ACVR2A: variants seen among roughly 807,000 people sequenced by gnomAD.
ACVR2A encodes activin A receptor type 2A.
Under a neutral mutation model 61.4 loss-of-function variants are expected in ACVR2A, and 7 were observed. The ratio of observed to expected loss-of-function variants is 0.11; its 90% CI spans 0.06 to 0.21. The LOEUF is 0.21. Among genes scored for constraint, ACVR2A ranks in the 10% least tolerant of loss-of-function variants. The probability of loss-of-function intolerance (pLI) is 1.00; values close to 1 mark genes in which losing one functional copy is unlikely to be tolerated. For synonymous variants in ACVR2A, 193 were observed against 208.3 expected (o/e 0.93, Z 0.63); for missense variants, 322 against 621.7 (o/e 0.52, Z 5.13).
intron 4 of ACVR2A, among the ~76,000 whole-genome samples, chr2:147,906,818 A>ATT (rs369876665): frequency 0.033 from 4,036 of 123,338 alleles, 98 homozygotes; most frequent in Middle Eastern, 0.093. Context: ...TATCAAGTCC[A>ATT]TTTTTTTTTT....
chr2:147,908,733 T>C (rs1415588249), intron 4 of ACVR2A, among the ~76,000 whole-genome samples: 1 of 152,096 alleles, frequency 6.6e-6, no homozygotes, highest in African/African-American at 2.4e-5. Context: ...TCAGAATTTG[T>C]CAGTTTTCAT....
In ACVR2A at chr2:147,917,387, T is replaced by G; in HGVS notation, c.777T>G (p.Val259=). 6.2e-7 allele frequency: 1 copy of G among 1,612,462 alleles called. No homozygotes were observed. The highest frequency in any genetic ancestry group is 8.5e-7 in the Non-Finnish European group (1 of 1,178,900). The change falls in exon 6 of 11, where the codon GTT becomes GTG. Residue 259 remains valine, a synonymous_variant. Coordinates refer to ENST00000241416, the MANE Select transcript of ACVR2A (RefSeq NM_001616.5). ...GTGCAGAAAAACGAGGCACCAGTGT[T>G]GATGTGGATCTTTGGCTGATCACAG... is the stretch of plus-strand genomic sequence containing the variant. ...FIGAEKRGTS[V]DVDLWLITAF...
chr2:147,891,142 C>G (rs1002235369), intron 1 of ACVR2A, among the ~76,000 whole-genome samples: 1 of 152,158 alleles, frequency 6.6e-6, no homozygotes, highest in Non-Finnish European at 1.5e-5. Flanking sequence ...TCCTCAAAAT[C>G]TTTCTTGGTA....
chr2:147,915,280 C>G lies in ACVR2A; in HGVS notation c.618C>G (p.Val206=). 4 of 1,612,322 alleles carry G rather than the reference C, an allele frequency of 2.5e-6. No homozygotes were observed. Among genetic ancestry groups the G allele is most frequent in the Non-Finnish European group, 3.4e-6 (4 of 1,178,750 alleles). The stretch of plus-strand genomic sequence containing the variant: ...AAGCAAGGGGAAGATTTGGTTGTGT[C>G]TGGAAAGCCCAGTTGCTTAACGAAT... The part of the protein sequence containing the change: ...EVKARGRFGC[V]WKAQLLNEYV... Residue 206 remains valine (V), a synonymous_variant, in exon 5 of 11, where the codon GTC becomes GTG. Coordinates refer to ENST00000241416, the MANE Select transcript of ACVR2A (RefSeq NM_001616.5).
chr2:147,909,008 A>G (rs1212968956), intron 4 of ACVR2A, among the ~76,000 whole-genome samples: 1 of 152,128 alleles, frequency 6.6e-6, no homozygotes, highest in African/African-American at 2.4e-5. Flanking sequence ...AAATATCTCC[A>G]TTTATATGTC....
chr2:147,845,078 T>G lies in ACVR2A; in HGVS notation c.-75T>G. ...TGACGGTTGATTTTACACCAGGAGG[T>G]TTGTCTCCGAGGAAGACCCAGGGAA... On this transcript the variant is annotated 5_prime_UTR_variant, in exon 1 of 11. Coordinates refer to ENST00000241416, the MANE Select transcript of ACVR2A (RefSeq NM_001616.5). 8.1e-7 allele frequency: 1 copy of G among 1,231,574 alleles called. No individual in the cohort carries two copies. Among genetic ancestry groups the G allele is most frequent in the Non-Finnish European group, 1.1e-6 (1 of 873,070 alleles). 76.3% of individuals were successfully genotyped at this position (1,231,574 alleles called of 1,614,324 possible). A position where few individuals can be genotyped will look rare whatever the true frequency, so the allele number is the denominator to read the frequency against.
intron 1 of ACVR2A, among the ~76,000 whole-genome samples, chr2:147,873,784 A>C (rs762324908): frequency 6.6e-6 from 1 of 152,002 alleles, no homozygotes; most frequent in Non-Finnish European, 1.5e-5. Context: ...TTAATATTCT[A>C]TGACAAGGCC....
At position 147,929,379 on chromosome 2, in the gene ACVR2A, T is replaced by TA. The variant is rs1553447665; in HGVS notation, c.*2108dup. On this transcript the variant is annotated 3_prime_UTR_variant, in exon 11 of 11. Coordinates refer to ENST00000241416, the MANE Select transcript of ACVR2A (RefSeq NM_001616.5). ...AACATTTAACTTTCTTTTTAAAAGT[T>TA]AAACAAAAATAAACAAGGGATATTA... 3 of 151,918 alleles carry TA rather than the reference T, an allele frequency of 2.0e-5. No individual in the cohort carries two copies. The highest frequency in any genetic ancestry group is 2.9e-5 in the Non-Finnish European group (2 of 67,942). The allele number at this position is 151,918 out of a possible 1,614,324, so 9.4% of individuals were successfully genotyped here. A position where few individuals can be genotyped will look rare whatever the true frequency, so the allele number is the denominator to read the frequency against.
intron 2 of ACVR2A, among the ~76,000 whole-genome samples, chr2:147,898,602 C>CA (rs1187251518): frequency 6.6e-6 from 1 of 151,996 alleles, no homozygotes; most frequent in Non-Finnish European, 1.5e-5. Context: ...TGACAACTAT[C>CA]AAAAAAGTTC....
At chr2:147,859,503 A>G (rs1292087618) in intron 1 of ACVR2A, among the ~76,000 whole-genome samples, 2 of 151,706 alleles carry the variant, frequency 1.3e-5, no homozygotes, top group Admixed American at 1.3e-4. Flanking sequence ...AAAAAAAAAA[A>G]GAAAATAGAA....
intron 1 of ACVR2A, among the ~76,000 whole-genome samples, chr2:147,872,624 G>A (rs1376169807): frequency 1.3e-5 from 2 of 149,978 alleles, no homozygotes; most frequent in Non-Finnish European, 1.5e-5. Flanking sequence ...TTGTTGAGCA[G>A]GATTTGTTGT....
intron 1 of ACVR2A, among the ~76,000 whole-genome samples, chr2:147,873,711 A>G (rs1262171792): frequency 6.6e-6 from 1 of 152,008 alleles, no homozygotes; most frequent in African/African-American, 2.4e-5. Context: ...AACCATTTGG[A>G]AAATGAGAAT....
At chr2:147,917,176 T>G in intron 5 of ACVR2A, 107 bp from the exon 6 acceptor site, 1 of 1,218,580 alleles carries the variant, frequency 8.2e-7, no homozygotes, top group Non-Finnish European at 1.1e-6. Context: ...TTAAGACTTT[T>G]TTGTTTTGTT....
At chr2:147,867,440 C>A (rs1335989054) in intron 1 of ACVR2A, among the ~76,000 whole-genome samples, 1 of 152,088 alleles carries the variant, frequency 6.6e-6, no homozygotes, top group Non-Finnish European at 1.5e-5. Flanking sequence ...TCTTCAAAAT[C>A]CAAGCAATTA....
At chr2:147,914,403 T>G (rs533265826) in intron 4 of ACVR2A, among the ~76,000 whole-genome samples, 31 of 152,132 alleles carry the variant, frequency 2.0e-4, no homozygotes, top group Admixed American at 1.2e-3. Flanking sequence ...GCTGTATTCC[T>G]ATTTATATAT....
chr2:147,844,563 G>C (rs1195768528), upstream of ACVR2A: 7 of 149,392 alleles, frequency 4.7e-5, 1 homozygote, highest in African/African-American at 1.7e-4. Context: ...GCTGGAGCCA[G>C]AGCCTGGACC....
At chr2:147,925,086 A>G (rs138414626) in intron 9 of ACVR2A, among the ~76,000 whole-genome samples, 25 of 152,134 alleles carry the variant, frequency 1.6e-4, no homozygotes, top group East Asian at 5.8e-4. Context: ...ACATACATCT[A>G]TCTGGTCACT....
At chr2:147,844,973 T>C (rs1573905724), upstream of ACVR2A, 1 of 432,674 alleles carries the variant, frequency 2.3e-6, no homozygotes, top group Non-Finnish European at 3.8e-6. Context: ...GCTCTTTTTT[T>C]TCTTTTTTTT....
intron 1 of ACVR2A, among the ~76,000 whole-genome samples, chr2:147,848,273 C>A (rs1474344358): frequency 2.0e-5 from 3 of 152,140 alleles, no homozygotes; most frequent in Admixed American, 2.0e-4. Context: ...CAAAATGAAA[C>A]AAAATTCTCC....
Sources: gnomAD v4.1 joint callset for allele counts (sites outside exome capture counted in the v4.1 genomes callset) on GRCh38, gnomAD v4.1.1 for gene constraint, MANE v1.5 for transcripts, NCBI Gene and HGNC (gene_info 2026-07-23, HGNC 2026-07-21) for gene names.